PTBP3: variants seen among roughly 807,000 people sequenced by gnomAD.
PTBP3 encodes polypyrimidine tract binding protein 3, also known as polypyrimidine tract-binding protein 3.
In PTBP3, 20 loss-of-function variants were observed where a neutral mutation model predicts 58.7. The observed-to-expected ratio is 0.34, with a 90% CI of 0.24 to 0.50. PTBP3 has a LOEUF of 0.50. PTBP3 is among the 20% of genes least tolerant of loss of function. PTBP3 has a pLI of 0.98. For missense variants in PTBP3, 509 were observed against 637.2 expected, an observed-to-expected ratio of 0.80 and a Z score of 2.17; for synonymous variants, 185 against 219.8, an observed-to-expected ratio of 0.84 and a Z score of 1.40.
chr9:112,247,187 G>A (rs1261821832), intron 7 of PTBP3, among the ~76,000 whole-genome samples: 1 of 151,612 alleles, frequency 6.6e-6, no homozygotes, highest in East Asian at 1.9e-4. Flanking sequence ...GATCACTTGA[G>A]CCCTGGAGGT....
Position 112,241,587 on chromosome 9 carries a change from T to C in PTBP3, c.803-6690A>G, listed in dbSNP as rs1176455668. Among the ~76,000 whole-genome samples, 4 of 152,344 alleles carry C rather than the reference T, an allele frequency of 2.6e-5. No individual in the cohort carries two copies. In the East Asian group the frequency reaches 5.8e-4, roughly 22 times the overall value. On this transcript the variant is annotated intron_variant, in intron 7 of 13. Coordinates refer to ENST00000374257, the MANE Select transcript of PTBP3 (RefSeq NM_001163788.4). Reference sequence around the variant, plus strand: ...TGTTATAGCTGCCTATAGTATACATTATGGTAACATGCCATACAGTCTAGG... The same window carrying C: ...TGTTATAGCTGCCTATAGTATACATCATGGTAACATGCCATACAGTCTAGG...
intron 2 of PTBP3, among the ~76,000 whole-genome samples, chr9:112,290,196 A>C (rs1828325391): frequency 1.3e-5 from 2 of 152,236 alleles, no homozygotes; most frequent in African/African-American, 2.4e-5. Flanking sequence ...TATAAAAAAC[A>C]AGTTAAAGAG....
At chr9:112,272,197 G>A (rs997939180) in intron 3 of PTBP3, among the ~76,000 whole-genome samples, 1 of 151,944 alleles carries the variant, frequency 6.6e-6, no homozygotes, top group Non-Finnish European at 1.5e-5. Flanking sequence ...CAAGTGGCTG[G>A]GACTACAGGT....
intron 8 of PTBP3, among the ~76,000 whole-genome samples, chr9:112,233,275 GTGTGTGTGTGT>G (rs1835315166): frequency 1.2e-3 from 6 of 4,974 alleles, no homozygotes; most frequent in South Asian, 0.024. Flanking sequence ...ACTGTAGGGT[GTGTGTGTGTGT>G]GTGTGTGTGT....
chr9:112,308,992 G>A (rs564880907), intron 1 of PTBP3, among the ~76,000 whole-genome samples: 28 of 152,304 alleles, frequency 1.8e-4, no homozygotes, highest in Non-Finnish European at 3.8e-4. Flanking sequence ...AAATTTGATA[G>A]GAATTGGTTT....
intron 2 of PTBP3, among the ~76,000 whole-genome samples, chr9:112,287,489 C>T (rs1000617108): frequency 6.6e-6 from 1 of 151,850 alleles, no homozygotes; most frequent in Non-Finnish European, 1.5e-5. Context: ...TACCGGTGCA[C>T]ACCACCACGC....
the PTBP3 span, among the ~76,000 whole-genome samples, chr9:112,345,341 T>TAA: frequency 3.5e-3 from 221 of 63,652 alleles, no homozygotes; most frequent in African/African-American, 8.5e-3. Context: ...CCCTCATCTC[T>TAA]AAAAAAAAAA....
chr9:112,321,396 G>A (rs1221314387), intron 1 of PTBP3, among the ~76,000 whole-genome samples: 3 of 151,852 alleles, frequency 2.0e-5, no homozygotes, highest in Non-Finnish European at 4.4e-5. Flanking sequence ...GGGCATGGTG[G>A]CACGCACCTG....
rs139670311 is a variant in PTBP3 at position 112,245,939 on chromosome 9, A to G, written c.802+4990T>C. Among the ~76,000 whole-genome samples, 346 of 152,320 alleles carry G rather than the reference A, an allele frequency of 2.3e-3. 2 individuals are homozygous for G. The highest frequency in any genetic ancestry group is 8.0e-3 in the African/African-American group (332 of 41,566). On this transcript the variant is annotated intron_variant, in intron 7 of 13. Coordinates refer to ENST00000374257, the MANE Select transcript of PTBP3 (RefSeq NM_001163788.4). ...TGATGATAAGAAACCTCATCCTCTC[A>G]AAGTGCTGGGATTACAGGTGTGAGC...
At chr9:112,285,109 A>T (rs1468739382) in intron 2 of PTBP3, among the ~76,000 whole-genome samples, 1 of 151,914 alleles carries the variant, frequency 6.6e-6, no homozygotes, top group Non-Finnish European at 1.5e-5. Context: ...AATTGTAATC[A>T]TCATGATTCC....
chr9:112,285,548 T>C (rs1165558453), intron 2 of PTBP3, among the ~76,000 whole-genome samples: 6 of 152,184 alleles, frequency 3.9e-5, no homozygotes, highest in Non-Finnish European at 8.8e-5. Context: ...TCTACCAACT[T>C]TTTCTTAAAG....
the PTBP3 span, among the ~76,000 whole-genome samples, chr9:112,366,040 T>C: frequency 6.6e-6 from 1 of 152,260 alleles, no homozygotes; most frequent in South Asian, 2.1e-4. Context: ...ATCCCAGCAC[T>C]TTGGGAGGCC....
Position 112,276,476 on chromosome 9 carries a change from G to A in PTBP3, c.35-463C>T, listed in dbSNP as rs79059258. Among the ~76,000 whole-genome samples, 1,312 of 151,990 alleles carry A rather than the reference G, an allele frequency of 8.6e-3. 23 individuals are homozygous for A. The highest frequency in any genetic ancestry group is 0.03 in the African/African-American group (1,251 of 41,522). On this transcript the variant is annotated intron_variant, in intron 2 of 13. Coordinates refer to ENST00000374257, the MANE Select transcript of PTBP3 (RefSeq NM_001163788.4). ...TCCTAAGGAGATATGGATTTGAATT[G>A]TATATTTATTAAAATAAAGTTTATT... is the stretch of plus-strand genomic sequence containing the variant.
chr9:112,307,446 T>C (rs1219445345), intron 1 of PTBP3, among the ~76,000 whole-genome samples: 1 of 152,164 alleles, frequency 6.6e-6, no homozygotes, highest in East Asian at 1.9e-4. Context: ...AGGGAGACCC[T>C]GTCCCAAAAT....
chr9:112,328,342 G>T (rs544715900), intron 1 of PTBP3, among the ~76,000 whole-genome samples: 1 of 152,324 alleles, frequency 6.6e-6, no homozygotes, highest in South Asian at 2.1e-4. Context: ...TCCAGATAAT[G>T]CATAATTTTA....
intron 2 of PTBP3, among the ~76,000 whole-genome samples, chr9:112,279,169 T>C (rs2132222096): frequency 6.6e-6 from 1 of 152,300 alleles, no homozygotes; most frequent in South Asian, 2.1e-4. Context: ...GGCCATGATT[T>C]AAAAGCCAAT....
At chr9:112,371,065 TAA>T in the PTBP3 span, among the ~76,000 whole-genome samples, 1 of 152,178 alleles carries the variant, frequency 6.6e-6, no homozygotes, top group Non-Finnish European at 1.5e-5. Flanking sequence ...CATCTGCAAG[TAA>T]AGATAGTTTT....
At chr9:112,313,268 A>C (rs964291755) in intron 1 of PTBP3, among the ~76,000 whole-genome samples, 1 of 152,164 alleles carries the variant, frequency 6.6e-6, no homozygotes, top group Non-Finnish European at 1.5e-5. Flanking sequence ...GCAGTGATGT[A>C]ATCACAGCTC....
At chr9:112,259,118 A>G (rs943893947) in intron 5 of PTBP3, among the ~76,000 whole-genome samples, 1 of 151,948 alleles carries the variant, frequency 6.6e-6, no homozygotes. Context: ...CCCTTGACTA[A>G]TATTTTGTAT....
Sources: allele counts gnomAD v4.1 joint callset (sites outside exome capture counted in the v4.1 genomes callset), GRCh38; gene constraint gnomAD v4.1.1; transcripts MANE v1.5; gene names NCBI Gene and HGNC (gene_info 2026-07-23, HGNC 2026-07-21).